Variants in MLLT3 observed in about 807,000 individuals in gnomAD.
The protein encoded by MLLT3 is protein AF-9.
A neutral mutation model predicts 53.2 loss-of-function variants in MLLT3; 4 were observed. That is an observed-to-expected ratio of 0.08 (90% CI 0.04 to 0.17). The LOEUF (loss-of-function observed/expected upper bound fraction) is 0.17. Among genes scored for constraint, MLLT3 ranks in the 10% least tolerant of loss-of-function variants. The pLI is 1.00. For missense variants in MLLT3, 569 were observed against 684.0 expected, an observed-to-expected ratio of 0.83 and a Z score of 1.87; for synonymous variants, 283 against 230.6, an observed-to-expected ratio of 1.23 and a Z score of -2.06.
chr9:20,520,149 G>A (rs904410555), intron 2 of MLLT3, among the ~76,000 whole-genome samples: 1 of 152,098 alleles, frequency 6.6e-6, no homozygotes, highest in African/African-American at 2.4e-5. Flanking sequence ...GCTAAATGAT[G>A]AGAACACATG....
intron 8 of MLLT3, among the ~76,000 whole-genome samples, chr9:20,356,181 T>C (rs1821167187): frequency 6.6e-6 from 1 of 152,194 alleles, no homozygotes; most frequent in African/African-American, 2.4e-5. Context: ...TATTTTTATT[T>C]TAATTGAGAA....
chr9:20,346,267 G>A lies in MLLT3; in HGVS notation c.*176C>T. The A allele has an allele frequency of 1.5e-6, 1 of 648,148 alleles. No homozygotes were observed. Among genetic ancestry groups the A allele is most frequent in the South Asian group, 2.4e-5 (1 of 41,286 alleles). 40.1% of individuals were successfully genotyped at this position (648,148 alleles called of 1,614,324 possible). A position where few individuals can be genotyped will look rare whatever the true frequency, so the allele number is the denominator to read the frequency against. ...AACCTCTCCTTTATCAAGAGATGAT[G>A]ACTGGCTTTAAAGAAAAATAAAGCT... On this transcript the variant is annotated 3_prime_UTR_variant, in exon 11 of 11. Transcript: ENST00000380338.
At chr9:20,404,915 A>C (rs1235820535) in intron 5 of MLLT3, among the ~76,000 whole-genome samples, 1 of 152,062 alleles carries the variant, frequency 6.6e-6, no homozygotes, top group Non-Finnish European at 1.5e-5. Context: ...GTTCCTGAGG[A>C]AGGAAGGAAG....
At chr9:20,451,775 G>A (rs1475206405) in intron 3 of MLLT3, among the ~76,000 whole-genome samples, 3 of 152,122 alleles carry the variant, frequency 2.0e-5, no homozygotes, top group Non-Finnish European at 2.9e-5. Context: ...TTCAGTACTT[G>A]ACATTTACTC....
chr9:20,470,153 A>G (rs890410026), intron 2 of MLLT3, among the ~76,000 whole-genome samples: 34 of 152,176 alleles, frequency 2.2e-4, no homozygotes, highest in South Asian at 6.2e-4. Flanking sequence ...TTTAACTAAA[A>G]GATGAACATA....
rs1820872118 is a variant in MLLT3, at chr9:20,346,450, G to A, written c.1700C>T (p.Thr567Ile). 2.5e-6 allele frequency: 4 copies of A among 1,608,058 alleles called. No homozygotes were observed. Among genetic ancestry groups the A allele is most frequent in the African/African-American group, 2.7e-5 (2 of 74,198 alleles). ...KLQSYLETSG[T>I]S ...CATCCAGTTGTTATATCCTCAGGAT[G>A]TTCCAGATGTTTCCAGGTAACTCTG... Residue 567 changes from threonine to isoleucine, a missense_variant, in exon 11 of 11, where the codon ACA (threonine) becomes ATA (isoleucine). Transcript: ENST00000380338.
intron 2 of MLLT3, among the ~76,000 whole-genome samples, chr9:20,543,707 G>A (rs879552759): frequency 2.6e-5 from 4 of 151,264 alleles, no homozygotes; most frequent in African/African-American, 4.9e-5. Flanking sequence ...AGAGGAAGAG[G>A]AGGAGGACGG....
At chr9:20,592,901 C>A (rs1402344550) in intron 2 of MLLT3, among the ~76,000 whole-genome samples, 2 of 152,258 alleles carry the variant, frequency 1.3e-5, no homozygotes, top group East Asian at 3.9e-4. Flanking sequence ...AAATTTCAGA[C>A]AAGTTCCTTT....
chr9:20,522,683 T>C (rs1818094347), intron 2 of MLLT3, among the ~76,000 whole-genome samples: 1 of 152,132 alleles, frequency 6.6e-6, no homozygotes, highest in Non-Finnish European at 1.5e-5. Flanking sequence ...CAGTTGTTTT[T>C]TTTCTAAATT....
intron 2 of MLLT3, among the ~76,000 whole-genome samples, chr9:20,619,312 A>T (rs924973847): frequency 6.6e-6 from 1 of 152,244 alleles, no homozygotes; most frequent in African/African-American, 2.4e-5. Flanking sequence ...CAACCGTTCA[A>T]GTTTTCAGGA....
chr9:20,542,224 CAATGAGCAGT>C (rs1210135174), intron 2 of MLLT3, among the ~76,000 whole-genome samples: 1 of 148,664 alleles, frequency 6.7e-6, no homozygotes, highest in Non-Finnish European at 1.5e-5. Context: ...GGCACATGGT[CAATGAGCAGT>C]AATATTTTTT....
At chr9:20,457,627 C>A (rs911339489) in intron 2 of MLLT3, among the ~76,000 whole-genome samples, 1 of 152,154 alleles carries the variant, frequency 6.6e-6, no homozygotes, top group South Asian at 2.1e-4. Context: ...TGCATAACCT[C>A]CCTCCTTCAC....
intron 2 of MLLT3, among the ~76,000 whole-genome samples, chr9:20,493,636 C>A (rs1027861643): frequency 4.0e-5 from 6 of 151,876 alleles, no homozygotes; most frequent in Non-Finnish European, 7.4e-5. Flanking sequence ...AAAATTATTA[C>A]CTAAATGGCA....
chr9:20,547,202 T>C (rs964101372), intron 2 of MLLT3, among the ~76,000 whole-genome samples: 1 of 149,880 alleles, frequency 6.7e-6, no homozygotes, highest in African/African-American at 2.4e-5. Flanking sequence ...ACTCATATAC[T>C]TTTTTTTTTC....
intron 2 of MLLT3, among the ~76,000 whole-genome samples, chr9:20,587,456 G>T (rs532451997): frequency 2.0e-5 from 3 of 151,724 alleles, no homozygotes; most frequent in Non-Finnish European, 2.9e-5. Context: ...TCAAACCAAG[G>T]ACTCCCACCT....
chr9:20,495,302 A>T (rs1160697737), intron 2 of MLLT3, among the ~76,000 whole-genome samples: 1 of 152,130 alleles, frequency 6.6e-6, no homozygotes, highest in East Asian at 1.9e-4. Flanking sequence ...GAACTACAAA[A>T]TCTCAGACTC....
intron 5 of MLLT3, among the ~76,000 whole-genome samples, chr9:20,378,236 G>A (rs1821820819): frequency 6.6e-6 from 1 of 151,928 alleles, no homozygotes; most frequent in African/African-American, 2.4e-5. Context: ...TACATACATT[G>A]GGGATACAGG....
At chr9:20,551,370 C>A (rs1422597743) in intron 2 of MLLT3, among the ~76,000 whole-genome samples, 1 of 152,214 alleles carries the variant, frequency 6.6e-6, no homozygotes, top group Admixed American at 6.5e-5. Context: ...ACTCTCCCCA[C>A]CCCATCCTCT....
At chr9:20,443,357 T>C (rs946807183) in intron 4 of MLLT3, among the ~76,000 whole-genome samples, 1 of 152,216 alleles carries the variant, frequency 6.6e-6, no homozygotes, top group African/African-American at 2.4e-5. Flanking sequence ...ATATGTGAAC[T>C]CTTCTAAGGA....
Sources: gnomAD v4.1 joint callset for allele counts (sites outside exome capture counted in the v4.1 genomes callset) on GRCh38, gnomAD v4.1.1 for gene constraint, MANE v1.5 for transcripts, NCBI Gene and HGNC (gene_info 2026-07-23, HGNC 2026-07-21) for gene names.